CDH17: variants seen among roughly 807,000 people sequenced by gnomAD.
CDH17 encodes the protein cadherin 17.
A neutral mutation model predicts 86.3 loss-of-function variants in CDH17; 67 were observed. That is an observed-to-expected ratio of 0.78 (90% CI 0.64 to 0.95). The LOEUF (loss-of-function observed/expected upper bound fraction) is 0.95, where lower values mean the gene tolerates loss of function less well. Ranked by LOEUF, CDH17 falls within the 40% of genes least tolerant of loss-of-function variation. The pLI, the probability that CDH17 is intolerant of heterozygous loss-of-function variation, is 0.00. For missense variants in CDH17, 993 were observed against 1,017.6 expected (o/e 0.98, Z 0.33); for synonymous variants, 367 against 366.4 (o/e 1.00, Z -0.02).
At chr8:94,166,087 T>C (rs978055160) in intron 9 of CDH17, 111 bp from the exon 10 acceptor site, 17 of 675,320 alleles carry the variant, frequency 2.5e-5, no homozygotes, top group African/African-American at 2.0e-4. Flanking sequence ...TAACTTTGAA[T>C]AGCAGACAAA....
At chr8:94,167,449 T>A (rs1354717908) in intron 9 of CDH17, among the ~76,000 whole-genome samples, 1 of 152,130 alleles carries the variant, frequency 6.6e-6, no homozygotes, top group Non-Finnish European at 1.5e-5. Context: ...GGTTTTTTGG[T>A]TTTGGGTTGG....
At chr8:94,172,231 AG>A (rs1309429630) in intron 7 of CDH17, among the ~76,000 whole-genome samples, 3 of 152,010 alleles carry the variant, frequency 2.0e-5, no homozygotes, top group African/African-American at 7.2e-5. Context: ...ACTTTAGTCT[AG>A]GCCCCCAATC....
chr8:94,159,811 A>C (rs1436994627), intron 12 of CDH17, among the ~76,000 whole-genome samples, 160 bp downstream of exon 12: 1 of 152,136 alleles, frequency 6.6e-6, no homozygotes, highest in African/African-American at 2.4e-5. Context: ...TCTGTCAGGA[A>C]GACAGGAACG....
At position 94,177,651 on chromosome 8, in the gene CDH17, C is replaced by T. The variant is rs556369676; in HGVS notation, c.221G>A (p.Arg74Gln). 9.1e-5 allele frequency: 147 copies of T among 1,613,636 alleles called. No homozygotes were observed. In the South Asian group the frequency reaches 1.0e-3, roughly 11 times the overall value. The change falls in exon 4 of 18, where the codon CGG becomes CAG. Residue 74 changes from arginine to glutamine, a missense_variant. Arg to Gln is a conservative substitution (Grantham distance 43). Transcript: ENST00000027335. Reference protein sequence around the residue: ...GETDNIFVIEREGLLYYNRAL... With the variant: ...GETDNIFVIEQEGLLYYNRAL... ...TCTGTTGTAATACAGAAGTCCCTCC[C>T]GTTCTATCACAAATATGTTGTCTGT...
intron 15 of CDH17, among the ~76,000 whole-genome samples, chr8:94,143,158 T>A (rs989798483): frequency 2.0e-5 from 3 of 152,344 alleles, no homozygotes; most frequent in South Asian, 4.1e-4. Flanking sequence ...CTCCTTGATC[T>A]GGGGCCTGCA....
intron 1 of CDH17, among the ~76,000 whole-genome samples, chr8:94,205,683 C>A (rs1470278293): frequency 6.6e-6 from 1 of 151,574 alleles, no homozygotes; most frequent in East Asian, 1.9e-4. Flanking sequence ...GATGAAATCT[C>A]ATTCATGAAT....
At chr8:94,149,165 G>C (rs1812811190) in intron 13 of CDH17, among the ~76,000 whole-genome samples, 1 of 152,156 alleles carries the variant, frequency 6.6e-6, no homozygotes, top group African/African-American at 2.4e-5. Flanking sequence ...GAAGGGTATA[G>C]TTCACAACTT....
At chr8:94,217,128 C>A (rs1249716894) in intron 1 of CDH17, 1 of 152,146 alleles carries the variant, frequency 6.6e-6, no homozygotes, top group South Asian at 2.1e-4. Context: ...AAGAATAAAG[C>A]CTGAGCTGCT....
intron 12 of CDH17, among the ~76,000 whole-genome samples, chr8:94,155,008 G>T (rs1418691160): frequency 6.6e-6 from 1 of 152,090 alleles, no homozygotes; most frequent in Non-Finnish European, 1.5e-5. Flanking sequence ...GTTCATAAGT[G>T]CTGTGGGACA....
At chr8:94,199,083 A>ATTTTTTT (rs71510475) in intron 1 of CDH17, among the ~76,000 whole-genome samples, 1 of 23,224 alleles carries the variant, frequency 4.3e-5, no homozygotes, top group African/African-American at 1.1e-4. Context: ...ATATATATAT[A>ATTTTTTT]TTTTTTTTTT....
chr8:94,145,053 G>A (rs888127777), intron 15 of CDH17, among the ~76,000 whole-genome samples: 3 of 152,152 alleles, frequency 2.0e-5, no homozygotes, highest in African/African-American at 7.2e-5. Flanking sequence ...CACACTGGTG[G>A]GAATGTAAAA....
rs369173656 is a variant in CDH17, at chr8:94,127,271, A to G, written c.*969T>C. ...ATATATAATAACCAAAACTTTACTAACATACGAATGAAGAAAACATGCGCA... is the reference window on the plus strand; with the variant it reads ...ATATATAATAACCAAAACTTTACTAGCATACGAATGAAGAAAACATGCGCA... On this transcript the variant is annotated 3_prime_UTR_variant, in exon 18 of 18. Coordinates refer to ENST00000027335, the MANE Select transcript of CDH17 (RefSeq NM_004063.4). 1.1e-4 allele frequency: 16 copies of G among 152,346 alleles called. No individual in the cohort carries two copies. In the East Asian group the frequency reaches 1.3e-3, roughly 13 times the overall value. 9.4% of individuals were successfully genotyped at this position (152,346 alleles called of 1,614,324 possible). A position where few individuals can be genotyped will look rare whatever the true frequency, so the allele number is the denominator to read the frequency against.
chr8:94,140,474 C>G (rs1372239904), intron 15 of CDH17, among the ~76,000 whole-genome samples: 2 of 152,022 alleles, frequency 1.3e-5, no homozygotes, highest in African/African-American at 4.8e-5. Context: ...ATTTATAGCT[C>G]TAAATGCCTG....
intron 5 of CDH17, 111 bp downstream of exon 5, chr8:94,176,430 G>A: frequency 6.9e-6 from 8 of 1,154,894 alleles, no homozygotes; most frequent in Non-Finnish European, 8.8e-6. Context: ...TGAAATGTAG[G>A]TAAGATAGTG....
chr8:94,177,426 G>A (rs1469127776), intron 4 of CDH17, among the ~76,000 whole-genome samples, 161 bp downstream of exon 4: 1 of 152,218 alleles, frequency 6.6e-6, no homozygotes, highest in East Asian at 1.9e-4. Flanking sequence ...CCCCTCTGTA[G>A]TTGGTAAGAA....
intron 5 of CDH17, among the ~76,000 whole-genome samples, chr8:94,175,033 G>A (rs1813346037): frequency 6.6e-6 from 1 of 152,158 alleles, no homozygotes. Flanking sequence ...CAGAAATTTT[G>A]TGTGTCAATT....
chr8:94,150,300 G>GGGGGACGGCAGGGGC (rs1156301210), intron 13 of CDH17, among the ~76,000 whole-genome samples: 1 of 152,158 alleles, frequency 6.6e-6, no homozygotes, highest in Non-Finnish European at 1.5e-5. Flanking sequence ...AGAGTGGGGT[G>GGGGGACGGCAGGGGC]GGGGACGGCA....
chr8:94,151,741 G>A lies in CDH17; in HGVS notation c.1796+127C>T, dbSNP rs913761367. The A allele has an allele frequency of 2.4e-6, 3 of 1,269,468 alleles. No individual in the cohort carries two copies. The African/African-American group carries it at 4.4e-5, about 19-fold the overall frequency. 78.6% of individuals were successfully genotyped at this position (1,269,468 alleles called of 1,614,324 possible). On this transcript the variant is annotated intron_variant, in intron 13 of 17. Coordinates refer to ENST00000027335, the MANE Select transcript of CDH17 (RefSeq NM_004063.4). ...GGTGTTGACAGCTTCCTAAACCAAA[G>A]CCAATTTCATCATTGCTGGGTATGC...
At chr8:94,181,066 G>T (rs1019457997) in intron 3 of CDH17, among the ~76,000 whole-genome samples, 1 of 150,936 alleles carries the variant, frequency 6.6e-6, no homozygotes, top group Admixed American at 6.6e-5. Context: ...AGACAAAACA[G>T]ACTTTAAAAC....
Sources: gnomAD v4.1 joint callset for allele counts (sites outside exome capture counted in the v4.1 genomes callset) on GRCh38, gnomAD v4.1.1 for gene constraint, MANE v1.5 for transcripts, NCBI Gene and HGNC (gene_info 2026-07-23, HGNC 2026-07-21) for gene names.